AMBRA1: variants seen among roughly 807,000 people sequenced by gnomAD.
The protein encoded by AMBRA1 is autophagy and beclin 1 regulator 1.
AMBRA1 carries 47 observed loss-of-function variants against 125.4 expected under a neutral mutation model. That is an observed-to-expected ratio of 0.37 (90% confidence interval 0.30 to 0.48). The LOEUF is 0.48. Ranked by LOEUF, AMBRA1 falls within the 20% of genes least tolerant of loss-of-function variation. The pLI, the probability that AMBRA1 is intolerant of heterozygous loss-of-function variation, is 0.99. For synonymous variants in AMBRA1, 626 were observed against 655.5 expected (o/e 0.95, Z 0.69); for missense variants, 1,331 against 1,693.4 (o/e 0.79, Z 3.76).
intron 7 of AMBRA1, among the ~76,000 whole-genome samples, chr11:46,531,829 T>C (rs1952229388): frequency 6.6e-6 from 1 of 151,042 alleles, no homozygotes. Context: ...ATCTAAATGT[T>C]ACTGCCAGCT....
intron 11 of AMBRA1, among the ~76,000 whole-genome samples, chr11:46,469,666 T>C (rs1188993550): frequency 6.6e-6 from 1 of 152,070 alleles, no homozygotes; most frequent in African/African-American, 2.4e-5. Context: ...TATTTCTTTC[T>C]TTTTCTCTTT....
At chr11:46,462,712 C>T (rs1565184240) in intron 11 of AMBRA1, among the ~76,000 whole-genome samples, 3 of 151,858 alleles carry the variant, frequency 2.0e-5, no homozygotes, top group African/African-American at 7.3e-5. Flanking sequence ...TCCCCTTCAT[C>T]CCTCATCTCC....
chr11:46,574,946 A>T (rs2043902671), intron 1 of AMBRA1, among the ~76,000 whole-genome samples: 1 of 152,224 alleles, frequency 6.6e-6, no homozygotes, highest in African/African-American at 2.4e-5. Context: ...GTTCACATTC[A>T]AAAGTTAGTT....
intron 1 of AMBRA1, among the ~76,000 whole-genome samples, chr11:46,549,604 T>C (rs1334714474): frequency 1.3e-5 from 2 of 152,158 alleles, no homozygotes; most frequent in Middle Eastern, 3.2e-3. Context: ...AACAATACTA[T>C]ACCAATTATC....
At position 46,502,947 on chromosome 11, in the gene AMBRA1, G is replaced by A. The variant is rs189332073; in HGVS notation, c.2339+5244C>T. Among the ~76,000 whole-genome samples the A allele has an allele frequency of 1.5e-4, 23 of 151,086 alleles. No individual in the cohort carries two copies. In the East Asian group the frequency reaches 4.5e-3, roughly 30 times the overall value. ...GTGGTGGCAGGCACCTGTAGTCTCA[G>A]CTACTCAGGAGGCTGAGGCAGGAGA... On this transcript the variant is annotated intron_variant, in intron 9 of 17. Transcript: ENST00000683756.
chr11:46,549,784 A>G (rs1324209550), intron 1 of AMBRA1, among the ~76,000 whole-genome samples: 1 of 150,512 alleles, frequency 6.6e-6, no homozygotes, highest in Non-Finnish European at 1.5e-5. Context: ...TGTTTTGTTT[A>G]TGTTTTCATT....
intron 1 of AMBRA1, among the ~76,000 whole-genome samples, chr11:46,578,100 A>G (rs534098099): frequency 4.1e-4 from 62 of 152,276 alleles, no homozygotes; most frequent in Middle Eastern, 3.4e-3. Flanking sequence ...AGCCTGGAAG[A>G]AAGTGTGTCT....
chr11:46,445,811 A>T (rs922371800), intron 11 of AMBRA1, among the ~76,000 whole-genome samples: 1 of 152,180 alleles, frequency 6.6e-6, no homozygotes, highest in Non-Finnish European at 1.5e-5. Flanking sequence ...AGGTAAGTTG[A>T]TTTTCTCAGT....
At chr11:46,437,117 A>G (rs1947759462) in intron 12 of AMBRA1, among the ~76,000 whole-genome samples, 1 of 152,216 alleles carries the variant, frequency 6.6e-6, no homozygotes, top group African/African-American at 2.4e-5. Context: ...CCAACACACA[A>G]AAAAGCATTT....
intron 14 of AMBRA1, chr11:46,429,006 T>C: frequency 8.7e-6 from 14 of 1,612,154 alleles, no homozygotes; most frequent in Admixed American, 5.0e-5. Flanking sequence ...AGAGACTGCA[T>C]GGCCTTCATG....
intron 12 of AMBRA1, among the ~76,000 whole-genome samples, chr11:46,439,520 T>C (rs1947898264): frequency 6.6e-6 from 1 of 152,182 alleles, no homozygotes; most frequent in Non-Finnish European, 1.5e-5. Flanking sequence ...CTTTGATTAT[T>C]TGGGACTAAA....
chr11:46,483,562 A>C (rs1950155128), intron 11 of AMBRA1, among the ~76,000 whole-genome samples: 1 of 152,186 alleles, frequency 6.6e-6, no homozygotes, highest in African/African-American at 2.4e-5. Context: ...GGAGATAGGA[A>C]AAGGAAACGA....
At chr11:46,510,987 A>G (rs549102092) in intron 8 of AMBRA1, among the ~76,000 whole-genome samples, 13 of 152,366 alleles carry the variant, frequency 8.5e-5, no homozygotes, top group Admixed American at 1.3e-4. Context: ...TCCTTTTCCA[A>G]AAAAACCTAT....
intron 11 of AMBRA1, 40 bp from the exon 12 acceptor site, chr11:46,443,638 T>C (rs779595873): frequency 6.5e-7 from 1 of 1,530,918 alleles, no homozygotes; most frequent in East Asian, 2.3e-5. Flanking sequence ...TTATATTATT[T>C]ATCCACGTTT....
intron 7 of AMBRA1, among the ~76,000 whole-genome samples, chr11:46,533,983 G>C (rs1952342551): frequency 6.6e-6 from 1 of 150,910 alleles, no homozygotes; most frequent in South Asian, 2.1e-4. Context: ...GTGTCGACGG[G>C]GTTTGTTTTC....
At chr11:46,431,981 T>A (rs543378088) in intron 14 of AMBRA1, among the ~76,000 whole-genome samples, 1 of 152,358 alleles carries the variant, frequency 6.6e-6, no homozygotes, top group Admixed American at 6.5e-5. Context: ...ATGTTACCCA[T>A]CATTGGTTCT....
At chr11:46,429,753 A>G (rs1565149828) in intron 14 of AMBRA1, among the ~76,000 whole-genome samples, 1 of 152,170 alleles carries the variant, frequency 6.6e-6, no homozygotes, top group African/African-American at 2.4e-5. Flanking sequence ...CTCTGTTACA[A>G]TACTGTGCCT....
Position 46,542,750 on chromosome 11 carries a change from C to T in AMBRA1, c.1267G>A (p.Val423Ile). 1 of 1,614,008 alleles carries T rather than the reference C, an allele frequency of 6.2e-7. No individual in the cohort carries two copies. The highest frequency in any genetic ancestry group is 8.5e-7 in the Non-Finnish European group (1 of 1,180,010). ...GLTGSEWTRTVLSLNSRSEAE... is the reference protein window; with the variant it reads ...GLTGSEWTRTILSLNSRSEAE... ...TCAGAGCGGGAGTTCAGACTGAGTA[C>T]TGTCCGGGTCCACTCAGATCCTGTC... is the stretch of plus-strand genomic sequence containing the variant. The change falls in exon 7 of 18, where the codon GTA becomes ATA. Residue 423 changes from valine (V) to isoleucine (I), a missense_variant. By Grantham distance (29) the Val-to-Ile change is conservative. This residue lies in a region of AMBRA1 where 689 missense variants were observed against 776.5 expected (regional missense o/e 0.89). Coordinates refer to ENST00000683756, the MANE Select transcript of AMBRA1 (RefSeq NM_001387011.1). The surrounding 1 kb of genome is among the most constrained non-coding windows in gnomAD (Gnocchi z 5.9).
In AMBRA1 at chr11:46,542,864, T is replaced by G; in HGVS notation, c.1153A>C (p.Asn385His). ...QSSTAGNTLR[N>H]LSLGPTRRSL... Reference sequence around the variant, plus strand: ...CGGCGGGTAGGACCCAGACTGAGGTTGCGGAGCGTGTTGCCGGCAGTGCTG... The same window carrying G: ...CGGCGGGTAGGACCCAGACTGAGGTGGCGGAGCGTGTTGCCGGCAGTGCTG... The change falls in exon 7 of 18, where the codon AAC (asparagine) becomes CAC (histidine). Residue 385 changes from asparagine to histidine, a missense_variant. Coordinates refer to ENST00000683756, the MANE Select transcript of AMBRA1 (RefSeq NM_001387011.1). The surrounding 1 kb of genome is among the most constrained non-coding windows in gnomAD (Gnocchi z 5.9). 1 of 1,613,298 alleles carries G rather than the reference T, an allele frequency of 6.2e-7. No homozygotes were observed. The highest frequency in any genetic ancestry group is 8.5e-7 in the Non-Finnish European group (1 of 1,179,918).
Sources: allele counts gnomAD v4.1 joint callset (sites outside exome capture counted in the v4.1 genomes callset), GRCh38; gene constraint gnomAD v4.1.1; regional missense constraint gnomAD v4.1.1; non-coding constraint Gnocchi (gnomAD v3.1); transcripts MANE v1.5; gene names NCBI Gene and HGNC (gene_info 2026-07-23, HGNC 2026-07-21).